SYNE1: variants seen among roughly 807,000 people sequenced by gnomAD.
The protein encoded by SYNE1 is spectrin repeat containing nuclear envelope protein 1, also known as nesprin-1.
A neutral mutation model predicts 1,111.0 loss-of-function variants in SYNE1; 616 were observed. The observed-to-expected ratio is 0.55, with a 90% confidence interval of 0.52 to 0.59. SYNE1 has a LOEUF of 0.59. Ranked by LOEUF, SYNE1 falls within the 20% of genes least tolerant of loss-of-function variation. The pLI is 0.00. For missense variants in SYNE1, 10,006 were observed against 10,417.0 expected, an observed-to-expected ratio of 0.96 and a Z score of 1.72; for synonymous variants, 3,855 against 3,825.8, an observed-to-expected ratio of 1.01 and a Z score of -0.28.
At chr6:152,435,718 T>G in intron 33 of SYNE1, 1 of 604,602 alleles carries the variant, frequency 1.7e-6, no homozygotes, top group Non-Finnish European at 2.9e-6. Flanking sequence ...ATGATCAGTT[T>G]AAGATGCAAA....
At chr6:152,317,201 A>G (rs189194035) in intron 86 of SYNE1, among the ~76,000 whole-genome samples, 2 of 151,004 alleles carry the variant, frequency 1.3e-5, no homozygotes, top group East Asian at 3.9e-4. Flanking sequence ...ATATGATTGA[A>G]TTATTCCTCT....
chr6:152,442,211 T>C lies in SYNE1; in HGVS notation c.3872A>G (p.Asp1291Gly), dbSNP rs148000801. 1.4e-5 allele frequency: 23 copies of C among 1,613,522 alleles called. No individual in the cohort carries two copies. In the African/African-American group the frequency reaches 2.8e-4, roughly 20 times the overall value. ...CGCCTGCGCGATCTGCTGCTGCACA[T>C]CTCTCTTCTTTGCTGAGATCCGCTT... is the stretch of plus-strand genomic sequence containing the variant. ...KTKRISAKKRDVQQQIAQAQQ... is the reference protein window; with the variant it reads ...KTKRISAKKRGVQQQIAQAQQ... Residue 1291 changes from aspartate to glycine, a missense_variant, in exon 31 of 146, where the codon GAT becomes GGT. This residue lies in a region of SYNE1 where 1,971 missense variants were observed against 2,084.1 expected (regional missense o/e 0.95). Coordinates refer to ENST00000367255, the MANE Select transcript of SYNE1 (RefSeq NM_182961.4).
At chr6:152,239,400 G>A (rs1030078444) in intron 108 of SYNE1, 133 bp downstream of exon 108, 8 of 1,046,888 alleles carry the variant, frequency 7.6e-6, no homozygotes, top group Non-Finnish European at 1.0e-5. Context: ...GAAAAGTGCA[G>A]TCCTGAGCCC....
In SYNE1 at chr6:152,619,887, G is replaced by A. The variant is rs1178231900; in HGVS notation, c.67+8378C>T. On this transcript the variant is annotated intron_variant, in intron 3 of 145. Transcript: ENST00000367255. Reference sequence around the variant, plus strand: ...TACTCTGAGGACTTATGTCTAAATGGGCTCTACATAAGGTATAGAATTATA... The same window carrying A: ...TACTCTGAGGACTTATGTCTAAATGAGCTCTACATAAGGTATAGAATTATA... Among the ~76,000 whole-genome samples, 41 of 152,056 alleles carry A rather than the reference G, an allele frequency of 2.7e-4. 1 individual carries two copies. Among genetic ancestry groups the A allele is most frequent in the South Asian group, 2.1e-4 (1 of 4,816 alleles).
chr6:152,245,564 C>T (rs1381339440), intron 105 of SYNE1, among the ~76,000 whole-genome samples: 1 of 152,118 alleles, frequency 6.6e-6, no homozygotes, highest in African/African-American at 2.4e-5. Context: ...ATTTTTTCCC[C>T]ATAAATCTAA....
At chr6:152,283,467 C>T (rs1412178111) in intron 96 of SYNE1, among the ~76,000 whole-genome samples, 1 of 152,178 alleles carries the variant, frequency 6.6e-6, no homozygotes, top group Non-Finnish European at 1.5e-5. Context: ...AGAAAGGAGT[C>T]AAAGGACATA....
chr6:152,316,424 A>C (rs1563008400), intron 87 of SYNE1: 1 of 213,124 alleles, frequency 4.7e-6, no homozygotes, highest in Non-Finnish European at 9.5e-6. Flanking sequence ...GAGGCAAAGC[A>C]TTCTGCTCCA....
At chr6:152,451,696 G>A (rs905578984) in intron 25 of SYNE1, among the ~76,000 whole-genome samples, 1 of 151,794 alleles carries the variant, frequency 6.6e-6, no homozygotes, top group African/African-American at 2.4e-5. Flanking sequence ...TGGTCAGGAT[G>A]GTCTTGAACT....
At chr6:152,358,575 A>G (rs568071360) in intron 65 of SYNE1, 38 bp from the exon 66 acceptor site, 3 of 1,606,288 alleles carry the variant, frequency 1.9e-6, no homozygotes, top group African/African-American at 2.7e-5. Flanking sequence ...TTAGGAACAC[A>G]TTACTTTATA....
chr6:152,538,217 T>C (rs2099252963), intron 4 of SYNE1, among the ~76,000 whole-genome samples: 1 of 152,158 alleles, frequency 6.6e-6, no homozygotes, highest in African/African-American at 2.4e-5. Flanking sequence ...AAGAAGAAAA[T>C]ATCATACAAG....
At position 152,318,980 on chromosome 6, in the gene SYNE1, C is replaced by T. The variant is rs142704460; in HGVS notation, c.16272G>A (p.Lys5424=). Residue 5424 remains lysine, a synonymous_variant, in exon 85 of 146, where the codon AAG becomes AAA. Coordinates refer to ENST00000367255, the MANE Select transcript of SYNE1 (RefSeq NM_182961.4). ...QDKIKEVEQS[K]ATSQELSRQI... ...GCCGGCTGAGTTCCTGGCTCGTGGC[C>T]TTGCTCTGCTCAACTTCTTTTATTT... 3.1e-6 allele frequency: 5 copies of T among 1,614,040 alleles called. No homozygotes were observed. Among genetic ancestry groups the T allele is most frequent in the Non-Finnish European group, 4.2e-6 (5 of 1,180,042 alleles).
Position 152,219,113 on chromosome 6 carries a change from G to A in SYNE1, c.21934C>T (p.Gln7312Ter), listed in dbSNP as rs886042421. 6.2e-7 allele frequency: 1 copy of A among 1,614,108 alleles called. No homozygotes were observed. Among genetic ancestry groups the A allele is most frequent in the Non-Finnish European group, 8.5e-7 (1 of 1,179,994 alleles). Residue 7312 changes from glutamine to a stop codon, truncating the protein, a stop_gained, in exon 120 of 146, where the codon CAA becomes TAA. Coordinates refer to ENST00000367255, the MANE Select transcript of SYNE1 (RefSeq NM_182961.4). LOFTEE classifies it high-confidence loss of function. ...FLHELGEQLK[Q>*]QVDASAASAI... ...GATGCTGCGGAAGCATCCACTTGTT[G>A]CTTCAGTTGCTCTCCCAGCTCATGG...
intron 66 of SYNE1, among the ~76,000 whole-genome samples, chr6:152,355,772 C>T (rs767501430): frequency 6.6e-6 from 1 of 151,898 alleles, no homozygotes; most frequent in Non-Finnish European, 1.5e-5. Context: ...AAGTCAAATC[C>T]CATCAACAAT....
chr6:152,364,309 A>T (rs2154075217), intron 63 of SYNE1, among the ~76,000 whole-genome samples: 1 of 152,224 alleles, frequency 6.6e-6, no homozygotes, highest in Middle Eastern at 3.4e-3. Flanking sequence ...TTCCTAGCAG[A>T]GTGAGAACGG....
intron 74 of SYNE1, among the ~76,000 whole-genome samples, chr6:152,339,632 A>G (rs940694220): frequency 2.6e-5 from 4 of 152,232 alleles, no homozygotes; most frequent in Admixed American, 6.5e-5. Context: ...AGAAACTTCT[A>G]TAATCTTTCC....
chr6:152,536,277 C>A (rs1040046158), intron 4 of SYNE1, among the ~76,000 whole-genome samples: 38 of 148,114 alleles, frequency 2.6e-4, no homozygotes, highest in African/African-American at 8.7e-4. Flanking sequence ...CATGACCACC[C>A]TTTATTAAAA....
intron 3 of SYNE1, among the ~76,000 whole-genome samples, chr6:152,612,887 T>C (rs897084709): frequency 6.6e-6 from 1 of 152,042 alleles, no homozygotes; most frequent in Non-Finnish European, 1.5e-5. Context: ...ACAGAACCAA[T>C]GACAAAAACC....
chr6:152,382,239 T>A (rs543647173), intron 55 of SYNE1, among the ~76,000 whole-genome samples: 1 of 152,212 alleles, frequency 6.6e-6, no homozygotes, highest in Non-Finnish European at 1.5e-5. Flanking sequence ...TTTGTTAATA[T>A]TATTACAAAA....
chr6:152,461,746 T>G lies in SYNE1; in HGVS notation c.2251-6A>C. 1.2e-6 allele frequency: 2 copies of G among 1,613,956 alleles called. No homozygotes were observed. Among genetic ancestry groups the G allele is most frequent in the South Asian group, 1.1e-5 (1 of 91,082 alleles). On this transcript the variant is annotated splice_region_variant and splice_polypyrimidine_tract_variant and intron_variant, in intron 20 of 145. Transcript: ENST00000367255. The stretch of plus-strand genomic sequence containing the variant: ...GGCACCCTCTGCTCAATATCCTGCA[T>G]GAATCATTGAAACAGCCAGATTCAT...
Sources: allele counts gnomAD v4.1 joint callset (sites outside exome capture counted in the v4.1 genomes callset), GRCh38; gene constraint gnomAD v4.1.1; regional missense constraint gnomAD v4.1.1; transcripts MANE v1.5; gene names NCBI Gene and HGNC (gene_info 2026-07-23, HGNC 2026-07-21).